The following GSDMC variants were observed in gnomAD, a reference collection of about 807,000 sequenced individuals.
GSDMC encodes the protein gasdermin C, also known as gasdermin-C.
Under a neutral mutation model 58.0 loss-of-function variants are expected in GSDMC, and 59 were observed. The ratio of observed to expected loss-of-function variants is 1.02; its 90% CI spans 0.82 to 1.26. The LOEUF is 1.26. GSDMC is among the 50% of genes most tolerant of loss of function. The pLI, the probability that GSDMC is intolerant of heterozygous loss-of-function variation, is 0.00. For missense variants in GSDMC, 659 were observed against 598.5 expected (o/e 1.10, Z -1.06); for synonymous variants, 241 against 220.2 (o/e 1.09, Z -0.83).
chr8:129,769,405 T>C (rs1041462299), intron 3 of GSDMC, among the ~76,000 whole-genome samples: 1 of 152,196 alleles, frequency 6.6e-6, no homozygotes, highest in African/African-American at 2.4e-5. Flanking sequence ...TAGTCTGTTT[T>C]CTGTTGCTAT....
chr8:129,719,654 G>A, the GSDMC span, among the ~76,000 whole-genome samples: 6 of 152,200 alleles, frequency 3.9e-5, no homozygotes, highest in Non-Finnish European at 8.8e-5. Context: ...ATTTAAAAAC[G>A]ATTCAAGTGG....
chr8:129,750,543 A>G lies in GSDMC; in HGVS notation c.971T>C (p.Phe324Ser). Residue 324 changes from phenylalanine (F) to serine (S), a missense_variant, in exon 11 of 14, where the codon TTC (phenylalanine) becomes TCC (serine). By Grantham distance (155) the Phe-to-Ser change is radical (BLOSUM62 -2). Coordinates refer to ENST00000276708, the MANE Select transcript of GSDMC (RefSeq NM_031415.3). ...QNFKHLQEEV[F>S]QKIKTLAQLS... is the part of the protein sequence containing the mutation. Reference sequence around the variant, plus strand: ...CTGAGCCAGTGTCTTTATTTTCTGGAAAACCTCCTCTTGTAGATGCTTGAA... The same window carrying G: ...CTGAGCCAGTGTCTTTATTTTCTGGGAAACCTCCTCTTGTAGATGCTTGAA... 6.2e-7 allele frequency: 1 copy of G among 1,614,024 alleles called. No homozygotes were observed. Among genetic ancestry groups the G allele is most frequent in the East Asian group, 2.2e-5 (1 of 44,874 alleles).
Position 129,758,255 on chromosome 8 carries a change from G to A in GSDMC, c.721+2290C>T, listed in dbSNP as rs144701866. ...GCCATATATGACAGAGCCACAGCTA[G>A]TTTCATACTGAGTGGGGAAAAATTG... On this transcript the variant is annotated intron_variant, in intron 6 of 13. Coordinates refer to ENST00000276708, the MANE Select transcript of GSDMC (RefSeq NM_031415.3). Among the ~76,000 whole-genome samples the A allele has an allele frequency of 1.5e-3, 234 of 152,286 alleles. 6 individuals are homozygous for A. In the East Asian group the frequency reaches 0.042, roughly 28 times the overall value.
At chr8:129,732,155 G>A in the GSDMC span, among the ~76,000 whole-genome samples, 1 of 152,052 alleles carries the variant, frequency 6.6e-6, no homozygotes, top group South Asian at 2.1e-4. Flanking sequence ...GAGCCTTCAG[G>A]GAGCATCCTG....
intron 6 of GSDMC, among the ~76,000 whole-genome samples, chr8:129,756,215 A>G (rs1210778295): frequency 6.6e-6 from 1 of 151,872 alleles, no homozygotes; most frequent in Non-Finnish European, 1.5e-5. Context: ...CTATACTTAC[A>G]TCAGACAAAA....
At chr8:129,741,081 T>A in the GSDMC span, among the ~76,000 whole-genome samples, 1 of 152,112 alleles carries the variant, frequency 6.6e-6, no homozygotes, top group African/African-American at 2.4e-5. Flanking sequence ...GTTTTCCCAA[T>A]ACCATTTATT....
intron 3 of GSDMC, among the ~76,000 whole-genome samples, chr8:129,772,831 CA>C (rs1465911809): frequency 1.3e-5 from 2 of 152,066 alleles, no homozygotes; most frequent in Non-Finnish European, 2.9e-5. Flanking sequence ...AATTACAGGC[CA>C]ATATATCTGA....
the GSDMC span, among the ~76,000 whole-genome samples, chr8:129,723,710 A>C: frequency 6.6e-6 from 1 of 152,182 alleles, no homozygotes; most frequent in African/African-American, 2.4e-5. Flanking sequence ...CCAAAATAAA[A>C]AGAGACCCAG....
chr8:129,785,065 G>A (rs1268106702), intron 1 of GSDMC, among the ~76,000 whole-genome samples: 1 of 152,062 alleles, frequency 6.6e-6, no homozygotes. Context: ...TACAAAATTA[G>A]CCAGGCATGG....
chr8:129,727,023 C>CACACACACACACACACAT, the GSDMC span, among the ~76,000 whole-genome samples: 178 of 150,322 alleles, frequency 1.2e-3, 7 homozygotes, highest in South Asian at 0.029. Flanking sequence ...CACACACACA[C>CACACACACACACACACAT]ACCTATTCAC....
chr8:129,732,806 G>A, the GSDMC span, among the ~76,000 whole-genome samples: 1 of 152,206 alleles, frequency 6.6e-6, no homozygotes, highest in Non-Finnish European at 1.5e-5. Context: ...CAATAGGACT[G>A]GTTGGACAGT....
the GSDMC span, among the ~76,000 whole-genome samples, chr8:129,709,165 T>C: frequency 2.4e-5 from 3 of 124,718 alleles, no homozygotes; most frequent in African/African-American, 8.8e-5. Context: ...GTCACTGAAT[T>C]CCCCCTTCTT....
chr8:129,717,872 A>G, the GSDMC span, among the ~76,000 whole-genome samples: 3 of 152,142 alleles, frequency 2.0e-5, no homozygotes, highest in Non-Finnish European at 1.5e-5. Context: ...AACGGCACAC[A>G]TCTGCAACAA....
At chr8:129,739,223 G>A in the GSDMC span, among the ~76,000 whole-genome samples, 1 of 152,144 alleles carries the variant, frequency 6.6e-6, no homozygotes, top group African/African-American at 2.4e-5. Flanking sequence ...GTGCCTGAGG[G>A]CTTAAGGGAC....
intron 6 of GSDMC, among the ~76,000 whole-genome samples, chr8:129,759,901 A>C (rs1255892951): frequency 2.0e-5 from 3 of 152,156 alleles, no homozygotes; most frequent in Non-Finnish European, 2.9e-5. Context: ...TACCAAAGAG[A>C]GATTTAAGAA....
the GSDMC span, among the ~76,000 whole-genome samples, chr8:129,730,783 T>C: frequency 1.3e-5 from 2 of 152,168 alleles, no homozygotes; most frequent in African/African-American, 2.4e-5. Context: ...GAAAGAGGTA[T>C]GATTCATAAG....
intron 1 of GSDMC, among the ~76,000 whole-genome samples, chr8:129,783,651 A>C (rs1392106549): frequency 1.3e-5 from 2 of 152,198 alleles, no homozygotes; most frequent in Admixed American, 6.5e-5. Context: ...AATATTGTTA[A>C]AATGTCCATA....
rs924270593 is a variant in GSDMC, at chr8:129,786,037, G to C, written c.-31C>G. ...AGATTATATATCCCTTTGTCCTGTA[G>C]AGAAATAGCAGGATTGGCCGGGCAC... On this transcript the variant is annotated 5_prime_UTR_variant, in exon 1 of 14. Coordinates refer to ENST00000276708, the MANE Select transcript of GSDMC (RefSeq NM_031415.3). The C allele has an allele frequency of 6.6e-6, 1 of 152,092 alleles. No homozygotes were observed. Among genetic ancestry groups the C allele is most frequent in the African/African-American group, 2.4e-5 (1 of 41,394 alleles). The allele number at this position is 152,092 out of a possible 1,614,324, so 9.4% of individuals were successfully genotyped here.
intron 8 of GSDMC, 104 bp downstream of exon 8, chr8:129,752,002 C>G: frequency 1.4e-6 from 2 of 1,461,662 alleles, no homozygotes; most frequent in Non-Finnish European, 1.9e-6. Context: ...TGCCCTTTTC[C>G]CCAGAGGCCA....
Sources: gnomAD v4.1 joint callset for allele counts (sites outside exome capture counted in the v4.1 genomes callset) on GRCh38, gnomAD v4.1.1 for gene constraint, MANE v1.5 for transcripts, NCBI Gene and HGNC (gene_info 2026-07-23, HGNC 2026-07-21) for gene names.